BBX: variants seen among roughly 807,000 people sequenced by gnomAD.
The protein encoded by BBX is HMG box transcription factor BBX.
A neutral mutation model predicts 100.2 loss-of-function variants in BBX; 30 were observed. The observed-to-expected ratio is 0.30, with a 90% CI of 0.22 to 0.41. The LOEUF (loss-of-function observed/expected upper bound fraction) is 0.41. Among genes scored for constraint, BBX ranks in the 10% least tolerant of loss-of-function variants. The pLI, the probability that BBX is intolerant of heterozygous loss-of-function variation, is 1.00. For missense variants in BBX, 1,023 were observed against 1,129.8 expected, an observed-to-expected ratio of 0.91 and a Z score of 1.35; for synonymous variants, 376 against 388.1, an observed-to-expected ratio of 0.97 and a Z score of 0.37.
chr3:107,779,020 T>TATATATATATATATATATATATACACAC (rs1449263925), intron 13 of BBX, among the ~76,000 whole-genome samples: 5 of 95,812 alleles, frequency 5.2e-5, no homozygotes, highest in African/African-American at 2.0e-4. Flanking sequence ...TATATATATA[T>TATATATATATATATATATATATACACAC]ACACACACAC....
chr3:107,620,676 C>T (rs1461126124), intron 2 of BBX, among the ~76,000 whole-genome samples: 1 of 152,158 alleles, frequency 6.6e-6, no homozygotes, highest in Admixed American at 6.5e-5. Context: ...CTACCTTTCA[C>T]CAGTAGGCTT....
At position 107,682,366 on chromosome 3, in the gene BBX, A is replaced by G. The variant is rs141429542; in HGVS notation, c.-9-28086A>G. ...TCACTAAGAATTTGTTCTTTGTAGT[A>G]GGTATGCTTCTATTAAGTGTGGAAG... is the stretch of plus-strand genomic sequence containing the variant. On this transcript the variant is annotated intron_variant, in intron 3 of 17. Transcript: ENST00000325805. Among the ~76,000 whole-genome samples the G allele has an allele frequency of 2.0e-5, 3 of 152,248 alleles. No homozygotes were observed. The East Asian group carries it at 5.8e-4, about 29-fold the overall frequency.
At chr3:107,710,405 CTT>C in intron 3 of BBX, 45 bp from the exon 4 acceptor site, 1 of 1,475,278 alleles carries the variant, frequency 6.8e-7, no homozygotes, top group South Asian at 1.3e-5. Context: ...CGGTGTCTCT[CTT>C]TCTCTCCCTG....
intron 3 of BBX, among the ~76,000 whole-genome samples, chr3:107,705,940 C>G (rs571353985): frequency 6.6e-6 from 1 of 151,008 alleles, no homozygotes; most frequent in African/African-American, 2.4e-5. Flanking sequence ...TTGCTTTGTA[C>G]TCTTTCCTTC....
chr3:107,728,852 A>C lies in BBX; in HGVS notation c.493A>C (p.Asn165His), dbSNP rs2063134616. The C allele has an allele frequency of 6.2e-7, 1 of 1,613,992 alleles. No homozygotes were observed. Among genetic ancestry groups the C allele is most frequent in the Non-Finnish European group, 8.5e-7 (1 of 1,179,878 alleles). Residue 165 changes from asparagine to histidine, a missense_variant, in exon 6 of 18, where the codon AAT (asparagine) becomes CAT (histidine). Coordinates refer to ENST00000325805, the MANE Select transcript of BBX (RefSeq NM_001142568.3). ...TGTGAAATCCCCAACACCCACTGTC[A>C]ATCCACGAAAGAAACTTTGGGCCTT... is the stretch of plus-strand genomic sequence containing the variant. The part of the protein sequence containing the change: ...KPVKSPTPTV[N>H]PRKKLWAFPS...
At chr3:107,596,682 C>T (rs1303377490) in intron 2 of BBX, among the ~76,000 whole-genome samples, 1 of 152,116 alleles carries the variant, frequency 6.6e-6, no homozygotes, top group Non-Finnish European at 1.5e-5. Flanking sequence ...GCCTGGGAAA[C>T]ACTAATAAAG....
At chr3:107,523,800 G>C (rs2047540461) in intron 1 of BBX, 1 of 152,454 alleles carries the variant, frequency 6.6e-6, no homozygotes, top group African/African-American at 2.4e-5. Flanking sequence ...CCAGTTGCTC[G>C]TTCATCTGGA....
At chr3:107,570,329 T>G (rs1331016283) in intron 2 of BBX, among the ~76,000 whole-genome samples, 1 of 152,146 alleles carries the variant, frequency 6.6e-6, no homozygotes, top group African/African-American at 2.4e-5. Context: ...AATCTAATTT[T>G]TGGAGCTTTT....
At position 107,732,826 on chromosome 3, in the gene BBX, G is replaced by C. The variant is rs953801077; in HGVS notation, c.602-130G>C. On this transcript the variant is annotated intron_variant, in intron 6 of 17. Coordinates refer to ENST00000325805, the MANE Select transcript of BBX (RefSeq NM_001142568.3). ...ACTGTTGCATAAAGAGTTTTTAAAA[G>C]TTTTTATAAAAAGTTATATGTGGTT... 2.6e-5 allele frequency: 19 copies of C among 742,136 alleles called. No homozygotes were observed. In the African/African-American group the frequency reaches 3.4e-4, roughly 13 times the overall value. 46.0% of individuals were successfully genotyped at this position (742,136 alleles called of 1,614,324 possible).
At chr3:107,617,921 G>A (rs1268256740) in intron 2 of BBX, among the ~76,000 whole-genome samples, 6 of 151,642 alleles carry the variant, frequency 4.0e-5, no homozygotes, top group African/African-American at 1.5e-4. Context: ...CCAGCACTAT[G>A]TGAATAAGAG....
rs142428125 is a variant in BBX at position 107,600,895 on chromosome 3, A to G, written c.-83-44941A>G. Among the ~76,000 whole-genome samples the G allele has an allele frequency of 3.7e-3, 564 of 152,262 alleles. 2 individuals carry two copies. Among genetic ancestry groups the G allele is most frequent in the Non-Finnish European group, 5.5e-3 (376 of 68,014 alleles). On this transcript the variant is annotated intron_variant, in intron 2 of 17. Coordinates refer to ENST00000325805, the MANE Select transcript of BBX (RefSeq NM_001142568.3). ...GCTTTACTGTGCTTCACTTTATTGCACATCACAGATACTGTATTTTTTACA... is the reference window on the plus strand; with the variant it reads ...GCTTTACTGTGCTTCACTTTATTGCGCATCACAGATACTGTATTTTTTACA...
chr3:107,784,216 G>A (rs1389795), intron 13 of BBX, among the ~76,000 whole-genome samples: 66,317 of 151,770 alleles, frequency 0.44, 15,928 homozygotes, highest in East Asian at 0.93. Context: ...TTGTTTGAAG[G>A]TGAGACGTAC....
chr3:107,556,926 A>G (rs1282306795), intron 2 of BBX, among the ~76,000 whole-genome samples: 1 of 152,172 alleles, frequency 6.6e-6, no homozygotes, highest in East Asian at 1.9e-4. Context: ...GCCAGAGCTC[A>G]GGTTTGTTGA....
At chr3:107,730,093 A>C (rs73850140) in intron 6 of BBX, among the ~76,000 whole-genome samples, 1 of 152,132 alleles carries the variant, frequency 6.6e-6, no homozygotes, top group South Asian at 2.1e-4. Context: ...CCTCTAAAAA[A>C]TGAAGTCTAA....
At chr3:107,570,354 C>T (rs569201343) in intron 2 of BBX, among the ~76,000 whole-genome samples, 10 of 151,978 alleles carry the variant, frequency 6.6e-5, no homozygotes, top group South Asian at 2.1e-4. Context: ...ATGTCGGGGG[C>T]GGGTTGGGTA....
At chr3:107,763,685 C>G (rs1159082326) in intron 10 of BBX, among the ~76,000 whole-genome samples, 1 of 152,108 alleles carries the variant, frequency 6.6e-6, no homozygotes, top group Non-Finnish European at 1.5e-5. Context: ...TCTTTGTAAT[C>G]ATTTTGAAGA....
intron 5 of BBX, among the ~76,000 whole-genome samples, chr3:107,722,895 A>G (rs1427286247): frequency 6.6e-6 from 1 of 152,034 alleles, no homozygotes; most frequent in Non-Finnish European, 1.5e-5. Context: ...TTATCAGATA[A>G]TTCCTTCTCT....
At chr3:107,786,486 C>G (rs188943706) in intron 13 of BBX, among the ~76,000 whole-genome samples, 119 of 152,258 alleles carry the variant, frequency 7.8e-4, no homozygotes, top group Admixed American at 1.9e-3. Context: ...GAGAACCTGT[C>G]ATAAACCTGA....
At chr3:107,721,922 T>G (rs1432694499) in intron 5 of BBX, among the ~76,000 whole-genome samples, 1 of 152,030 alleles carries the variant, frequency 6.6e-6, no homozygotes, top group Non-Finnish European at 1.5e-5. Flanking sequence ...TTAGGGTTAT[T>G]TCTGATAAGC....
Sources: allele counts gnomAD v4.1 joint callset (sites outside exome capture counted in the v4.1 genomes callset), GRCh38; gene constraint gnomAD v4.1.1; transcripts MANE v1.5; gene names NCBI Gene and HGNC (gene_info 2026-07-23, HGNC 2026-07-21).